The following ANP32E variants were observed in gnomAD, a reference collection of about 807,000 sequenced individuals.
ANP32E encodes acidic nuclear phosphoprotein 32 family member E, also known as acidic leucine-rich nuclear phosphoprotein 32 family member E.
A neutral mutation model predicts 35.3 loss-of-function variants in ANP32E; 14 were observed. The observed-to-expected ratio is 0.40, with a 90% confidence interval of 0.26 to 0.62. The LOEUF (loss-of-function observed/expected upper bound fraction) is 0.62, where lower values mean the gene tolerates loss of function less well. Among genes scored for constraint, ANP32E ranks in the 20% least tolerant of loss-of-function variants. The probability of loss-of-function intolerance (pLI) is 0.45; values close to 1 mark genes in which losing one functional copy is unlikely to be tolerated. For missense variants in ANP32E, 198 were observed against 304.4 expected, an observed-to-expected ratio of 0.65 and a Z score of 2.60; for synonymous variants, 89 against 110.4, an observed-to-expected ratio of 0.81 and a Z score of 1.22.
At chr1:150,233,578 T>A (rs1553842472) in intron 1 of ANP32E, among the ~76,000 whole-genome samples, 1 of 152,146 alleles carries the variant, frequency 6.6e-6, no homozygotes, top group Non-Finnish European at 1.5e-5. Context: ...AATTCCCTAT[T>A]AGGTAAGAGT....
chr1:150,226,816 A>G (rs1227900632), intron 4 of ANP32E, 21 bp from the exon 5 acceptor site: 2 of 1,592,448 alleles, frequency 1.3e-6, no homozygotes, highest in South Asian at 1.1e-5. Flanking sequence ...TCATTTAAAG[A>G]TGAGTAAATG....
chr1:150,224,897 T>A (rs1553839370), intron 5 of ANP32E, among the ~76,000 whole-genome samples: 2 of 152,176 alleles, frequency 1.3e-5, no homozygotes, highest in Non-Finnish European at 2.9e-5. Flanking sequence ...CTTGTTCTAG[T>A]CAACTGACAT....
At position 150,236,064 on chromosome 1, in the gene ANP32E, A is replaced by C; in HGVS notation, c.-278T>G. ...CGCGCACACACATACACACACACAT[A>C]CACACACACACCCGCAGTTCCTTCC... On this transcript the variant is annotated 5_prime_UTR_variant, in exon 1 of 7. Coordinates refer to ENST00000583931, the MANE Select transcript of ANP32E (RefSeq NM_030920.5). 2.8e-6 allele frequency: 1 copy of C among 359,562 alleles called. No individual in the cohort carries two copies. The highest frequency in any genetic ancestry group is 5.4e-5 in the East Asian group (1 of 18,524). The allele number at this position is 359,562 out of a possible 1,614,324, so 22.3% of individuals were successfully genotyped here.
chr1:150,228,544 T>C (rs1649074213), intron 4 of ANP32E, among the ~76,000 whole-genome samples: 1 of 151,932 alleles, frequency 6.6e-6, no homozygotes, highest in African/African-American at 2.4e-5. Flanking sequence ...ACAAAAAAAT[T>C]AGCTGGGAGT....
intron 2 of ANP32E, 72 bp from the exon 3 acceptor site, chr1:150,230,765 G>A: frequency 1.9e-6 from 2 of 1,070,130 alleles, no homozygotes; most frequent in South Asian, 3.0e-5. Flanking sequence ...TTTTTGAAAT[G>A]TAGTCTCACT....
intron 2 of ANP32E, among the ~76,000 whole-genome samples, chr1:150,231,193 AC>A (rs1284054183): frequency 6.6e-6 from 1 of 152,252 alleles, no homozygotes; most frequent in East Asian, 1.9e-4. Flanking sequence ...TGGGCTCTTA[AC>A]CCAGCTTGGA....
At chr1:150,233,147 G>C (rs1393675796) in intron 1 of ANP32E, among the ~76,000 whole-genome samples, 1 of 151,290 alleles carries the variant, frequency 6.6e-6, no homozygotes, top group Non-Finnish European at 1.5e-5. Flanking sequence ...CACCTGTAAT[G>C]CCAGCTACTC....
chr1:150,229,305 T>C (rs894959311), intron 3 of ANP32E, 68 bp from the exon 4 acceptor site: 3 of 1,025,954 alleles, frequency 2.9e-6, no homozygotes, highest in African/African-American at 1.7e-5. Context: ...TTTCTTTTTT[T>C]TTTTTTTTTT....
chr1:150,229,683 G>C (rs995786083), intron 3 of ANP32E, among the ~76,000 whole-genome samples: 1 of 152,146 alleles, frequency 6.6e-6, no homozygotes, highest in African/African-American at 2.4e-5. Flanking sequence ...TCTCCACATT[G>C]GTCAGGCTGG....
intron 1 of ANP32E, 58 bp from the exon 2 acceptor site, chr1:150,231,984 G>T (rs1348588868): frequency 1.6e-5 from 25 of 1,520,012 alleles, no homozygotes; most frequent in Non-Finnish European, 2.1e-5. Flanking sequence ...TTTAGGTAGA[G>T]ACCTGGGTCT....
Position 150,235,466 on chromosome 1 carries a change from G to A in ANP32E, c.54+267C>T, listed in dbSNP as rs1318380603. ...ACCAGCCCGCTTCCCGCCCCCACGA[G>A]GTCAGGACGCCCGACTCGATGAAAG... On this transcript the variant is annotated intron_variant, in intron 1 of 6. Transcript: ENST00000583931. This position sits in a 1 kb window ranked among gnomAD's most constrained non-coding sequence, Gnocchi z 4.2. Among the ~76,000 whole-genome samples, 2 of 152,222 alleles carry A rather than the reference G, an allele frequency of 1.3e-5. No homozygotes were observed. Among genetic ancestry groups the A allele is most frequent in the African/African-American group, 2.4e-5 (1 of 41,468 alleles).
chr1:150,229,840 C>T (rs192884845), intron 3 of ANP32E, among the ~76,000 whole-genome samples: 5 of 152,226 alleles, frequency 3.3e-5, no homozygotes, highest in Admixed American at 3.3e-4. Context: ...CCTCAATCTC[C>T]TGACCTCATG....
chr1:150,224,561 G>T (rs965987755), intron 5 of ANP32E, among the ~76,000 whole-genome samples: 1 of 122,574 alleles, frequency 8.2e-6, no homozygotes, highest in Non-Finnish European at 1.7e-5. Context: ...CGACAAGAAC[G>T]AAACTCCGTC....
At chr1:150,230,541 C>A in intron 3 of ANP32E, 30 bp downstream of exon 3, 1 of 1,528,728 alleles carries the variant, frequency 6.5e-7, no homozygotes, top group Non-Finnish European at 8.8e-7. Context: ...CCAAAAAAAG[C>A]AAGTCCAGAG....
In ANP32E at chr1:150,220,206, C is replaced by CCAAA. The variant is rs1648222924; in HGVS notation, c.*484_*485insTTTG. 1.0e-5 allele frequency: 1 copy of CCAAA among 97,912 alleles called. No homozygotes were observed. The highest frequency in any genetic ancestry group is 1.9e-5 in the Non-Finnish European group (1 of 52,118). The allele number at this position is 97,912 out of a possible 1,614,324, so 6.1% of individuals were successfully genotyped here. On this transcript the variant is annotated 3_prime_UTR_variant, in exon 7 of 7. Transcript: ENST00000583931. Reference sequence around the variant, plus strand: ...AAAAAAGCAACCAAACACTCTTAGTCAAAAAAAAAAAAAAAAAAAGGTAAC... The same window carrying CCAAA: ...AAAAAAGCAACCAAACACTCTTAGTCCAAAAAAAAAAAAAAAAAAAAAAGGTAAC...
At chr1:150,227,749 C>T (rs1648988339) in intron 4 of ANP32E, among the ~76,000 whole-genome samples, 2 of 121,674 alleles carry the variant, frequency 1.6e-5, no homozygotes, top group African/African-American at 5.5e-5. Context: ...AAAAAATAAA[C>T]CTGCTTATCT....
At chr1:150,234,631 C>T (rs1220424066) in intron 1 of ANP32E, 62 of 985,492 alleles carry the variant, frequency 6.3e-5, no homozygotes, top group Non-Finnish European at 7.5e-5. Context: ...CTGCGAGGCT[C>T]CCCGCTGGCC....
intron 6 of ANP32E, among the ~76,000 whole-genome samples, chr1:150,222,768 C>G (rs1424797221): frequency 6.6e-6 from 1 of 150,656 alleles, no homozygotes; most frequent in Non-Finnish European, 1.5e-5. Flanking sequence ...AACAAACAAA[C>G]AAAAATATAT....
At chr1:150,222,229 G>C (rs1648472028) in intron 6 of ANP32E, among the ~76,000 whole-genome samples, 1 of 151,662 alleles carries the variant, frequency 6.6e-6, no homozygotes, top group African/African-American at 2.4e-5. Flanking sequence ...GAGCAACCTT[G>C]CTAACACGGT....
Sources: allele counts gnomAD v4.1 joint callset (sites outside exome capture counted in the v4.1 genomes callset), GRCh38; gene constraint gnomAD v4.1.1; non-coding constraint Gnocchi (gnomAD v3.1); transcripts MANE v1.5; gene names NCBI Gene and HGNC (gene_info 2026-07-23, HGNC 2026-07-21).